Variants in VHL observed in about 807,000 individuals in gnomAD.
VHL encodes the protein von Hippel-Lindau tumor suppressor.
VHL carries 10 observed loss-of-function variants against 19.2 expected under a neutral mutation model. The observed-to-expected ratio is 0.52, with a 90% CI of 0.32 to 0.89. VHL has a LOEUF of 0.89. VHL is among the 40% of genes least tolerant of loss of function. The pLI is 0.03. For missense variants in VHL, 328 were observed against 292.7 expected, an observed-to-expected ratio of 1.12 and a Z score of -0.88; for synonymous variants, 167 against 129.5, an observed-to-expected ratio of 1.29 and a Z score of -1.97.
In VHL at chr3:10,150,885, G is replaced by GTTGTTTTGTT. The variant is rs544983652; in HGVS notation, c.*933_*942dup. The GTTGTTTTGTT allele has an allele frequency of 8.9e-6, 2 of 225,204 alleles. No individual in the cohort carries two copies. Among genetic ancestry groups the GTTGTTTTGTT allele is most frequent in the South Asian group, 3.7e-4 (2 of 5,446 alleles). 14.0% of individuals were successfully genotyped at this position (225,204 alleles called of 1,614,324 possible). A position where few individuals can be genotyped will look rare whatever the true frequency, so the allele number is the denominator to read the frequency against. On this transcript the variant is annotated 3_prime_UTR_variant, in exon 3 of 3. Transcript: ENST00000256474. ...GATTGATTTGGGTTTTTTTGTTGTT[G>GTTGTTTTGTT]TTGTTTTGTTTTGTTTTGTTTTTTT... is the stretch of plus-strand genomic sequence containing the variant.
Position 10,149,821 on chromosome 3 carries a change from C to T in VHL, c.498C>T (p.Val166=), listed in dbSNP as rs2125130531. The T allele has an allele frequency of 6.2e-7, 1 of 1,614,180 alleles. No individual in the cohort carries two copies. The highest frequency in any genetic ancestry group is 1.1e-5 in the South Asian group (1 of 91,080). Residue 166 remains valine, a synonymous_variant, in exon 3 of 3, where the codon GTC becomes GTT. Transcript: ENST00000256474. ...YTLKERCLQV[V]RSLVKPENYR... is the part of the protein sequence containing the mutation. ...TGAAAGAGCGATGCCTCCAGGTTGT[C>T]CGGAGCCTAGTCAAGCCTGAGAATT...
rs1060503548 is a variant in VHL at position 10,141,909 on chromosome 3, A to C, written c.62A>C (p.Glu21Ala). 22 of 1,534,002 alleles carry C rather than the reference A, an allele frequency of 1.4e-5. No homozygotes were observed. The highest frequency in any genetic ancestry group is 1.9e-5 in the Non-Finnish European group (22 of 1,138,178). ...GTAGGCGCGGAGGAGGCAGGCGTCG[A>C]AGAGTACGGCCCTGAAGAAGACGGC... ...AEVGAEEAGV[E>A]EYGPEEDGGE... The change falls in exon 1 of 3, where the codon GAA becomes GCA. Residue 21 changes from glutamate (E) to alanine (A), a missense_variant. Coordinates refer to ENST00000256474, the MANE Select transcript of VHL (RefSeq NM_000551.4).
chr3:10,142,019 C>A lies in VHL; in HGVS notation c.172C>A (p.Arg58=), dbSNP rs757781272. 2 of 1,591,480 alleles carry A rather than the reference C, an allele frequency of 1.3e-6. No individual in the cohort carries two copies. The highest frequency in any genetic ancestry group is 2.3e-5 in the South Asian group (2 of 88,366). The change falls in exon 1 of 3, where the codon CGG becomes AGG. Residue 58 remains arginine, a synonymous_variant. Transcript: ENST00000256474. ...CGCCGAGGAGGAGATGGAGGCCGGGCGGCCGCGGCCCGTGCTGCGCTCGGT... is the reference window on the plus strand; with the variant it reads ...CGCCGAGGAGGAGATGGAGGCCGGGAGGCCGCGGCCCGTGCTGCGCTCGGT... ...LGAEEEMEAG[R]PRPVLRSVNS...
rs781618785 is a variant in VHL at position 10,146,596 on chromosome 3, T to G, written c.423T>G (p.Asn141Lys). 1 of 1,614,058 alleles carries G rather than the reference T, an allele frequency of 6.2e-7. No individual in the cohort carries two copies. The highest frequency in any genetic ancestry group is 1.1e-5 in the South Asian group (1 of 91,088). The change falls in exon 2 of 3, where the codon AAT (asparagine) becomes AAG (lysine). Residue 141 changes from asparagine to lysine, a missense_variant. Transcript: ENST00000256474. ...CTGAATTATTTGTGCCATCTCTCAA[T>G]GTTGACGGACAGCCTATTTTTGCCA... is the stretch of plus-strand genomic sequence containing the variant. ...NQTELFVPSLNVDGQPIFANI... is the reference protein window; with the variant it reads ...NQTELFVPSLKVDGQPIFANI...
At chr3:10,142,356 T>TTTC (rs1696147480) in intron 1 of VHL, among the ~76,000 whole-genome samples, 169 bp downstream of exon 1, 1 of 146,584 alleles carries the variant, frequency 6.8e-6, no homozygotes, top group Non-Finnish European at 1.5e-5. Flanking sequence ...TTTTTTTTTT[T>TTTC]TTTTTCTGAG....
chr3:10,152,798 T>A lies in VHL; in HGVS notation c.*2833T>A, dbSNP rs1160247557. 6.6e-6 allele frequency among the ~76,000 whole-genome samples: 1 copy of A among 151,948 alleles called. No homozygotes were observed. The highest frequency in any genetic ancestry group is 1.5e-5 in the Non-Finnish European group (1 of 67,998). On this transcript the variant is annotated 3_prime_UTR_variant, in exon 3 of 3. Coordinates refer to ENST00000256474, the MANE Select transcript of VHL (RefSeq NM_000551.4). ...AGCCACCGCGTCCAGCCAGCTTTAT[T>A]ATTTTTTTTAAGCTGTCTTTGTGTC... is the stretch of plus-strand genomic sequence containing the variant.
intron 1 of VHL, among the ~76,000 whole-genome samples, chr3:10,145,480 C>T (rs373513077): frequency 6.6e-6 from 1 of 151,792 alleles, no homozygotes; most frequent in Non-Finnish European, 1.5e-5. Flanking sequence ...CCGAGGCGGG[C>T]GGATCATAAG....
Position 10,142,259 on chromosome 3 carries a change from G to C in VHL, c.340+72G>C, listed in dbSNP as rs1696143623. 5.2e-6 allele frequency: 8 copies of C among 1,530,136 alleles called. No individual in the cohort carries two copies. In the South Asian group the frequency reaches 8.3e-5, roughly 16 times the overall value. 94.8% of individuals were successfully genotyped at this position (1,530,136 alleles called of 1,614,324 possible). ...GTCTGAAGCCCCTCTACCGCCCCGG[G>C]GTCCATTTTGCAGACGGGGAACTGA... On this transcript the variant is annotated intron_variant, in intron 1 of 2. Transcript: ENST00000256474.
At chr3:10,144,598 C>G (rs925709036) in intron 1 of VHL, among the ~76,000 whole-genome samples, 2 of 148,964 alleles carry the variant, frequency 1.3e-5, no homozygotes, top group Non-Finnish European at 3.0e-5. Context: ...GCACCCTTAA[C>G]CTGGGCTCAA....
At chr3:10,143,566 G>C (rs1454049848) in intron 1 of VHL, among the ~76,000 whole-genome samples, 5 of 152,182 alleles carry the variant, frequency 3.3e-5, no homozygotes, top group Non-Finnish European at 4.4e-5. Flanking sequence ...TCCTGCCTCA[G>C]CCTCCCAAGT....
At chr3:10,143,720 T>G (rs193192081) in intron 1 of VHL, among the ~76,000 whole-genome samples, 3 of 152,306 alleles carry the variant, frequency 2.0e-5, no homozygotes, top group Admixed American at 2.0e-4. Flanking sequence ...GTGCTGGGAT[T>G]ACAGGCGTGC....
Position 10,141,962 on chromosome 3 carries a change from G to A in VHL, c.115G>A (p.Gly39Ser), listed in dbSNP as rs768650092. The change falls in exon 1 of 3, where the codon GGC becomes AGC. Residue 39 changes from glycine (G) to serine (S), a missense_variant. Coordinates refer to ENST00000256474, the MANE Select transcript of VHL (RefSeq NM_000551.4). ...GGAGGAGTCGGGCGCCGAGGAGTCC[G>A]GCCCGGAAGAGTCCGGCCCGGAGGA... Reference protein sequence around the residue: ...GGEESGAEESGPEESGPEELG... With the variant: ...GGEESGAEESSPEESGPEELG... The A allele has an allele frequency of 1.3e-6, 2 of 1,550,916 alleles. No individual in the cohort carries two copies. The highest frequency in any genetic ancestry group is 1.7e-6 in the Non-Finnish European group (2 of 1,147,744).
At position 10,142,064 on chromosome 3, in the gene VHL, C is replaced by G. The variant is rs869025619; in HGVS notation, c.217C>G (p.Gln73Glu). 1.2e-6 allele frequency: 2 copies of G among 1,607,444 alleles called. No homozygotes were observed. Among genetic ancestry groups the G allele is most frequent in the Non-Finnish European group, 1.7e-6 (2 of 1,179,218 alleles). ...LRSVNSREPSQVIFCNRSPRV... is the reference protein window; with the variant it reads ...LRSVNSREPSEVIFCNRSPRV... ...CTCGGTGAACTCGCGCGAGCCCTCC[C>G]AGGTCATCTTCTGCAATCGCAGTCC... The change falls in exon 1 of 3, where the codon CAG becomes GAG. Residue 73 changes from glutamine to glutamate, a missense_variant. Gln to Glu is a conservative substitution (Grantham distance 29). Coordinates refer to ENST00000256474, the MANE Select transcript of VHL (RefSeq NM_000551.4).
rs1305307531 is a variant in VHL at position 10,151,629 on chromosome 3, A to G, written c.*1664A>G. 4.5e-6 allele frequency: 1 copy of G among 219,802 alleles called. No homozygotes were observed. The highest frequency in any genetic ancestry group is 6.8e-5 in the East Asian group (1 of 14,784). 13.6% of individuals were successfully genotyped at this position (219,802 alleles called of 1,614,324 possible). On this transcript the variant is annotated 3_prime_UTR_variant, in exon 3 of 3. Coordinates refer to ENST00000256474, the MANE Select transcript of VHL (RefSeq NM_000551.4). ...TATACCCTTTTTCATTTAACTTTATAACTTAAATATTGCTCTATGTTAGTA... is the reference window on the plus strand; with the variant it reads ...TATACCCTTTTTCATTTAACTTTATGACTTAAATATTGCTCTATGTTAGTA...
intron 1 of VHL, among the ~76,000 whole-genome samples, chr3:10,143,632 A>G (rs934473245): frequency 6.6e-6 from 1 of 151,956 alleles, no homozygotes; most frequent in African/African-American, 2.4e-5. Context: ...TATTCTTAGT[A>G]GAGACAGGGT....
rs192456354 is a variant in VHL at position 10,147,696 on chromosome 3, T to C, written c.463+1060T>C. 3.5e-3 allele frequency among the ~76,000 whole-genome samples: 529 copies of C among 151,904 alleles called. 1 individual carries two copies. The highest frequency in any genetic ancestry group is 5.7e-3 in the Non-Finnish European group (390 of 67,940). On this transcript the variant is annotated intron_variant, in intron 2 of 2. Coordinates refer to ENST00000256474, the MANE Select transcript of VHL (RefSeq NM_000551.4). ...TTTTTTTTTTTAAATCATTGAAGAT[T>C]GGTATAATACTTCACTATTTGTTTG...
rs1201446903 is a variant in VHL at position 10,153,642 on chromosome 3, C to T, written c.*3677C>T. On this transcript the variant is annotated 3_prime_UTR_variant, in exon 3 of 3. Transcript: ENST00000256474. ...TTTTTTTTAAAGCTGTTTTTTAATA[C>T]ATTAAATGGTGCTGAGTAAAGGAAA... Among the ~76,000 whole-genome samples the T allele has an allele frequency of 3.4e-5, 5 of 148,990 alleles. No individual in the cohort carries two copies. Among genetic ancestry groups the T allele is most frequent in the Non-Finnish European group, 7.4e-5 (5 of 67,322 alleles).
intron 1 of VHL, among the ~76,000 whole-genome samples, 155 bp from the exon 2 acceptor site, chr3:10,146,359 A>G (rs1302921364): frequency 6.6e-6 from 1 of 152,156 alleles, no homozygotes; most frequent in East Asian, 1.9e-4. Flanking sequence ...TATTTTTAGT[A>G]GAGACGAGGT....
rs869025619 is a variant in VHL at position 10,142,064 on chromosome 3, C to T, written c.217C>T (p.Gln73Ter). ...LRSVNSREPS[Q>*]VIFCNRSPRV... ...CTCGGTGAACTCGCGCGAGCCCTCC[C>T]AGGTCATCTTCTGCAATCGCAGTCC... is the stretch of plus-strand genomic sequence containing the variant. Residue 73 changes from glutamine (Q) to a stop codon, truncating the protein, a stop_gained, in exon 1 of 3, where the codon CAG becomes TAG. Coordinates refer to ENST00000256474, the MANE Select transcript of VHL (RefSeq NM_000551.4). LOFTEE classifies it high-confidence loss of function. The T allele has an allele frequency of 6.2e-7, 1 of 1,607,444 alleles. No homozygotes were observed. The highest frequency in any genetic ancestry group is 8.5e-7 in the Non-Finnish European group (1 of 1,179,218).
Sources: gnomAD v4.1 joint callset for allele counts (sites outside exome capture counted in the v4.1 genomes callset) on GRCh38, gnomAD v4.1.1 for gene constraint, MANE v1.5 for transcripts, NCBI Gene and HGNC (gene_info 2026-07-23, HGNC 2026-07-21) for gene names.